The following RALGAPA1 variants were observed in gnomAD, a reference collection of about 807,000 sequenced individuals.
RALGAPA1 encodes ral GTPase-activating protein subunit alpha-1.
In RALGAPA1, 52 loss-of-function variants were observed where a neutral mutation model predicts 269.6. That is an observed-to-expected ratio of 0.19 (90% confidence interval 0.15 to 0.24). The LOEUF is 0.24. Ranked by LOEUF, RALGAPA1 falls within the 10% of genes least tolerant of loss-of-function variation. RALGAPA1 has a pLI of 1.00. For synonymous variants in RALGAPA1, 817 were observed against 1,008.3 expected (o/e 0.81, Z 3.60); for missense variants, 1,917 against 3,013.9 (o/e 0.64, Z 8.52).
chr14:35,610,050 A>C (rs1185001064), intron 35 of RALGAPA1, among the ~76,000 whole-genome samples: 1 of 151,956 alleles, frequency 6.6e-6, no homozygotes, highest in Admixed American at 6.5e-5. Context: ...CAATAGAGAA[A>C]AAAATCAATG....
chr14:35,606,716 G>A (rs2059616743), intron 35 of RALGAPA1, among the ~76,000 whole-genome samples: 1 of 148,590 alleles, frequency 6.7e-6, no homozygotes, highest in Admixed American at 6.7e-5. Context: ...AAAACTTTAA[G>A]ACCATTAGTA....
chr14:35,598,358 A>G (rs1023730639), intron 36 of RALGAPA1, among the ~76,000 whole-genome samples: 1 of 151,780 alleles, frequency 6.6e-6, no homozygotes, highest in African/African-American at 2.4e-5. Context: ...TTTGCACAAT[A>G]TAACTTTTTC....
chr14:35,666,572 C>T (rs2063957017), intron 26 of RALGAPA1, among the ~76,000 whole-genome samples: 1 of 152,088 alleles, frequency 6.6e-6, no homozygotes, highest in South Asian at 2.1e-4. Flanking sequence ...TTGTTTTAAC[C>T]TTATTGTGGA....
chr14:35,701,688 C>T (rs938426994), intron 16 of RALGAPA1, among the ~76,000 whole-genome samples: 8 of 151,926 alleles, frequency 5.3e-5, no homozygotes, highest in South Asian at 2.1e-4. Flanking sequence ...GTTGTCCAGG[C>T]GGGAGTACAG....
At chr14:35,658,328 A>G (rs1225451115) in intron 28 of RALGAPA1, among the ~76,000 whole-genome samples, 2 of 152,178 alleles carry the variant, frequency 1.3e-5, no homozygotes, top group East Asian at 3.8e-4. Flanking sequence ...TTTGCTGGAA[A>G]AAGATTTAAA....
chr14:35,552,156 G>T (rs34231347), intron 39 of RALGAPA1, among the ~76,000 whole-genome samples: 17,103 of 151,880 alleles, frequency 0.11, 1,028 homozygotes, highest in South Asian at 0.13. Flanking sequence ...CAATCTACAG[G>T]ACTTACATCC....
chr14:35,570,512 A>G lies in RALGAPA1; in HGVS notation c.7496+105T>C, dbSNP rs146892664. 8.5e-5 allele frequency: 80 copies of G among 943,692 alleles called. No individual in the cohort carries two copies. In the African/African-American group the frequency reaches 1.2e-3, roughly 15 times the overall value. 58.5% of individuals were successfully genotyped at this position (943,692 alleles called of 1,614,324 possible). A position where few individuals can be genotyped will look rare whatever the true frequency, so the allele number is the denominator to read the frequency against. On this transcript the variant is annotated intron_variant, in intron 39 of 41. Transcript: ENST00000680220. Reference sequence around the variant, plus strand: ...TCCATTTCTACAAAAAATAATAATTAAAAAAACCCTAGAAAATAAAAGGCT... The same window carrying G: ...TCCATTTCTACAAAAAATAATAATTGAAAAAACCCTAGAAAATAAAAGGCT...
chr14:35,807,748 G>A (rs771452849), intron 1 of RALGAPA1: 1 of 152,146 alleles, frequency 6.6e-6, no homozygotes, highest in African/African-American at 2.4e-5. Flanking sequence ...AGAGAAACAT[G>A]TACCTCAAAT....
At chr14:35,766,243 GT>G in intron 4 of RALGAPA1, 1 of 802,344 alleles carries the variant, frequency 1.2e-6, no homozygotes, top group East Asian at 2.4e-5. Context: ...TTAACCAGAT[GT>G]GTGGATGATG....
At chr14:35,744,898 T>G (rs1216291598) in intron 10 of RALGAPA1, among the ~76,000 whole-genome samples, 1 of 152,190 alleles carries the variant, frequency 6.6e-6, no homozygotes, top group Non-Finnish European at 1.5e-5. Flanking sequence ...AAAATTAGTA[T>G]GTACTTCCCA....
chr14:35,555,533 C>G (rs1201827980), intron 39 of RALGAPA1, among the ~76,000 whole-genome samples: 1 of 152,120 alleles, frequency 6.6e-6, no homozygotes, highest in Non-Finnish European at 1.5e-5. Context: ...AAAAACAACA[C>G]TTGAAAAATG....
chr14:35,655,475 A>G (rs571002597), intron 29 of RALGAPA1, among the ~76,000 whole-genome samples: 1 of 152,128 alleles, frequency 6.6e-6, no homozygotes, highest in East Asian at 1.9e-4. Flanking sequence ...ATCAAAGAAC[A>G]GTAAGTTACA....
chr14:35,801,599 A>G (rs2076985047), intron 1 of RALGAPA1, among the ~76,000 whole-genome samples: 1 of 152,160 alleles, frequency 6.6e-6, no homozygotes, highest in African/African-American at 2.4e-5. Flanking sequence ...GGATAATAAG[A>G]GAGTATAATC....
chr14:35,781,575 AATCTATCTATCT>A (rs34164383), intron 1 of RALGAPA1, among the ~76,000 whole-genome samples: 6,050 of 150,806 alleles, frequency 0.04, 357 homozygotes, highest in African/African-American at 0.12. Context: ...TAGAAAACTG[AATCTATCTATCT>A]ATCTATCTAT....
In RALGAPA1 at chr14:35,627,741, T is replaced by C. The variant is rs1594880019; in HGVS notation, c.6206A>G (p.Asn2069Ser). ...ESPNIQFFVL[N>S]NTTLVSCIQI... The stretch of plus-strand genomic sequence containing the variant: ...GATACAGGACACTAAGGTTGTATTA[T>C]TTAACACAAAGAACTGGATATTTGG... Residue 2069 changes from asparagine (N) to serine (S), a missense_variant, in exon 34 of 42, where the codon AAT (asparagine) becomes AGT (serine). This residue lies in a region of RALGAPA1 where 346 missense variants were observed against 566.1 expected (regional missense o/e 0.61). Coordinates refer to ENST00000680220, the MANE Select transcript of RALGAPA1 (RefSeq NM_001346249.2). The C allele has an allele frequency of 3.7e-6, 6 of 1,614,098 alleles. 1 individual carries two copies. In the East Asian group the frequency reaches 8.9e-5, roughly 24 times the overall value.
At chr14:35,658,861 A>C (rs562133650) in intron 28 of RALGAPA1, among the ~76,000 whole-genome samples, 2 of 152,058 alleles carry the variant, frequency 1.3e-5, no homozygotes, top group Non-Finnish European at 2.9e-5. Context: ...TGAACAATAA[A>C]CAAAATGTAC....
At chr14:35,720,291 A>T (rs1269672260) in intron 16 of RALGAPA1, among the ~76,000 whole-genome samples, 7 of 152,182 alleles carry the variant, frequency 4.6e-5, no homozygotes, top group African/African-American at 1.7e-4. Flanking sequence ...GACAATTCTG[A>T]ATATGTGATC....
At chr14:35,743,900 T>TA (rs976220311) in intron 10 of RALGAPA1, among the ~76,000 whole-genome samples, 5 of 151,818 alleles carry the variant, frequency 3.3e-5, no homozygotes, top group Non-Finnish European at 7.4e-5. Flanking sequence ...TCTGGGATCT[T>TA]AAAAAAAATA....
intron 36 of RALGAPA1, among the ~76,000 whole-genome samples, chr14:35,598,869 C>T (rs1375077775): frequency 6.6e-6 from 1 of 152,122 alleles, no homozygotes; most frequent in East Asian, 1.9e-4. Context: ...CTTAAGCTTG[C>T]CATCTTATTT....
Sources: gnomAD v4.1 joint callset for allele counts (sites outside exome capture counted in the v4.1 genomes callset) on GRCh38, gnomAD v4.1.1 for gene constraint, gnomAD v4.1.1 regional missense constraint, MANE v1.5 for transcripts, NCBI Gene and HGNC (gene_info 2026-07-23, HGNC 2026-07-21) for gene names.